The following CCDC6 variants were observed in gnomAD, a reference collection of about 807,000 sequenced individuals.
CCDC6 encodes the protein coiled-coil domain containing 6, also known as coiled-coil domain-containing protein 6.
A neutral mutation model predicts 56.6 loss-of-function variants in CCDC6; 20 were observed. The ratio of observed to expected loss-of-function variants is 0.35; its 90% CI spans 0.25 to 0.51. CCDC6 has a LOEUF of 0.51. CCDC6 is among the 20% of genes least tolerant of loss of function. The probability of loss-of-function intolerance (pLI) is 0.95; values close to 1 mark genes in which losing one functional copy is unlikely to be tolerated. For synonymous variants in CCDC6, 241 were observed against 234.4 expected (o/e 1.03, Z -0.26); for missense variants, 367 against 601.1 (o/e 0.61, Z 4.07).
intron 3 of CCDC6, among the ~76,000 whole-genome samples, chr10:59,823,977 G>T (rs1404461170): frequency 6.6e-6 from 1 of 152,160 alleles, no homozygotes; most frequent in African/African-American, 2.4e-5. Flanking sequence ...GTAACCAGAA[G>T]ATGCACATCA....
chr10:59,831,668 A>C (rs936970129), intron 3 of CCDC6, among the ~76,000 whole-genome samples: 1 of 152,242 alleles, frequency 6.6e-6, no homozygotes, highest in Non-Finnish European at 1.5e-5. Context: ...TCAGCCTCTT[A>C]TAACTTAAGG....
chr10:59,857,887 TAG>T (rs2071093393), intron 1 of CCDC6, among the ~76,000 whole-genome samples: 1 of 152,158 alleles, frequency 6.6e-6, no homozygotes, highest in Admixed American at 6.5e-5. Context: ...ATTATTAGGA[TAG>T]CAGGGACCAC....
chr10:59,822,364 C>T (rs2070755702), intron 3 of CCDC6, among the ~76,000 whole-genome samples: 1 of 148,402 alleles, frequency 6.7e-6, no homozygotes, highest in Admixed American at 6.7e-5. Context: ...CTAGTCTTAA[C>T]ATTTTCATCA....
In CCDC6 at chr10:59,906,461, G is replaced by A; in HGVS notation, c.-37C>T. 2.8e-6 allele frequency: 4 copies of A among 1,447,650 alleles called. No homozygotes were observed. Among genetic ancestry groups the A allele is most frequent in the Non-Finnish European group, 3.6e-6 (4 of 1,114,738 alleles). The allele number at this position is 1,447,650 out of a possible 1,614,324, so 89.7% of individuals were successfully genotyped here. A position where few individuals can be genotyped will look rare whatever the true frequency, so the allele number is the denominator to read the frequency against. The stretch of plus-strand genomic sequence containing the variant: ...GCTGGGGAAAGGAGGAGGAGCAGCA[G>A]GGAGGCGGCGGCGACGAAGGCCGGG... On this transcript the variant is annotated 5_prime_UTR_variant, in exon 1 of 9. Coordinates refer to ENST00000263102, the MANE Select transcript of CCDC6 (RefSeq NM_005436.5).
intron 1 of CCDC6, among the ~76,000 whole-genome samples, chr10:59,855,823 G>A (rs1041853864): frequency 6.6e-6 from 1 of 152,102 alleles, no homozygotes; most frequent in Non-Finnish European, 1.5e-5. Flanking sequence ...ATTCACAGAG[G>A]ACCAGTTTCC....
At chr10:59,809,064 C>T (rs376117081) in intron 5 of CCDC6, among the ~76,000 whole-genome samples, 14 of 152,102 alleles carry the variant, frequency 9.2e-5, no homozygotes, top group East Asian at 7.7e-4. Context: ...TTAATATAAA[C>T]GATTTAAATT....
intron 7 of CCDC6, among the ~76,000 whole-genome samples, chr10:59,800,045 T>C (rs1366154196): frequency 6.6e-6 from 1 of 152,216 alleles, no homozygotes; most frequent in Non-Finnish European, 1.5e-5. Flanking sequence ...TTAAACTATT[T>C]TACCTTGGGT....
At chr10:59,852,484 T>C (rs1356062998) in intron 2 of CCDC6, 69 bp downstream of exon 2, 3 of 1,319,324 alleles carry the variant, frequency 2.3e-6, no homozygotes, top group African/African-American at 1.5e-5. Flanking sequence ...CAAAGTGCTA[T>C]ATCAAAGTCA....
At chr10:59,841,595 T>G (rs1481188922) in intron 2 of CCDC6, among the ~76,000 whole-genome samples, 1 of 152,218 alleles carries the variant, frequency 6.6e-6, no homozygotes, top group Non-Finnish European at 1.5e-5. Context: ...TTTTCTTGCC[T>G]TTCTGCACTG....
chr10:59,873,322 TAAG>T (rs1299308815), intron 1 of CCDC6, among the ~76,000 whole-genome samples: 1 of 152,040 alleles, frequency 6.6e-6, no homozygotes, highest in Admixed American at 6.6e-5. Flanking sequence ...GCTGTCCTTA[TAAG>T]AAGGGAAAAT....
At chr10:59,861,568 A>T (rs777536038) in intron 1 of CCDC6, among the ~76,000 whole-genome samples, 1 of 152,218 alleles carries the variant, frequency 6.6e-6, no homozygotes, top group Non-Finnish European at 1.5e-5. Flanking sequence ...AAGATGTTTA[A>T]AGATCTAATG....
intron 1 of CCDC6, among the ~76,000 whole-genome samples, chr10:59,882,906 G>C (rs1224768370): frequency 6.6e-6 from 1 of 152,030 alleles, no homozygotes; most frequent in Non-Finnish European, 1.5e-5. Flanking sequence ...GTTGCAGTGA[G>C]CAGAGATCGC....
chr10:59,870,745 T>A (rs2071221248), intron 1 of CCDC6, among the ~76,000 whole-genome samples: 1 of 152,170 alleles, frequency 6.6e-6, no homozygotes, highest in Non-Finnish European at 1.5e-5. Context: ...TTCCCACTTT[T>A]CACAGGCTGG....
intron 7 of CCDC6, among the ~76,000 whole-genome samples, chr10:59,803,810 C>G (rs1029075455): frequency 6.6e-6 from 1 of 152,254 alleles, no homozygotes; most frequent in African/African-American, 2.4e-5. Context: ...GTTCCCTCTT[C>G]TGCAGCCTGC....
At chr10:59,856,420 A>G (rs1000149515) in intron 1 of CCDC6, among the ~76,000 whole-genome samples, 1 of 152,116 alleles carries the variant, frequency 6.6e-6, no homozygotes, top group South Asian at 2.1e-4. Flanking sequence ...AGAATGAACC[A>G]TGCATCATAA....
chr10:59,801,874 C>T (rs2070579234), intron 7 of CCDC6, among the ~76,000 whole-genome samples: 1 of 152,116 alleles, frequency 6.6e-6, no homozygotes, highest in Non-Finnish European at 1.5e-5. Context: ...TTTCTGGGCA[C>T]TTGTTTACTC....
At chr10:59,804,624 C>T (rs772553346) in intron 6 of CCDC6, 104 bp from the exon 7 acceptor site, 3 of 712,314 alleles carry the variant, frequency 4.2e-6, no homozygotes, top group Non-Finnish European at 5.1e-6. Flanking sequence ...AGGTCAAAAT[C>T]CTGAATGTTT....
Position 59,792,970 on chromosome 10 carries a change from T to C in CCDC6, c.1372A>G (p.Thr458Ala), listed in dbSNP as rs777494275. Reference protein sequence around the residue: ...PMQPTVPSAATSQPTPSQHSA... With the variant: ...PMQPTVPSAAASQPTPSQHSA... ...TGTTGCGAAGGAGTAGGCTGCGAGG[T>C]GGCTGCTGAGGGGACCGTGGGCTGC... Residue 458 changes from threonine to alanine, a missense_variant, in exon 9 of 9, where the codon ACC (threonine) becomes GCC (alanine). Coordinates refer to ENST00000263102, the MANE Select transcript of CCDC6 (RefSeq NM_005436.5). The C allele has an allele frequency of 6.2e-7, 1 of 1,612,286 alleles. No individual in the cohort carries two copies. Among genetic ancestry groups the C allele is most frequent in the African/African-American group, 1.3e-5 (1 of 74,864 alleles).
chr10:59,906,044 G>A, intron 1 of CCDC6, 78 bp downstream of exon 1: 1 of 1,243,544 alleles, frequency 8.0e-7, no homozygotes, highest in Non-Finnish European at 1.1e-6. Flanking sequence ...AAGACTTGGG[G>A]GGTGGCTGGA....
Sources: allele counts gnomAD v4.1 joint callset (sites outside exome capture counted in the v4.1 genomes callset), GRCh38; gene constraint gnomAD v4.1.1; transcripts MANE v1.5; gene names NCBI Gene and HGNC (gene_info 2026-07-23, HGNC 2026-07-21).